The following LYN variants were observed in gnomAD, a reference collection of about 807,000 sequenced individuals.
LYN encodes the protein LYN proto-oncogene, Src family tyrosine kinase, also known as tyrosine-protein kinase Lyn.
LYN carries 12 observed loss-of-function variants against 65.0 expected under a neutral mutation model. That is an observed-to-expected ratio of 0.18 (90% CI 0.12 to 0.30). The LOEUF is 0.30. Among genes scored for constraint, LYN ranks in the 10% least tolerant of loss-of-function variants. The pLI is 1.00. For missense variants in LYN, 380 were observed against 623.2 expected, an observed-to-expected ratio of 0.61 and a Z score of 4.16; for synonymous variants, 222 against 221.2, an observed-to-expected ratio of 1.00 and a Z score of -0.03.
At chr8:55,994,450 A>AT (rs1284129640) in intron 10 of LYN, among the ~76,000 whole-genome samples, 3 of 152,178 alleles carry the variant, frequency 2.0e-5, no homozygotes, top group African/African-American at 4.8e-5. Flanking sequence ...TCTGAGAATC[A>AT]TTTTTTTAAA....
intron 10 of LYN, among the ~76,000 whole-genome samples, chr8:55,979,968 G>A (rs1425687695): frequency 2.6e-5 from 4 of 152,160 alleles, no homozygotes; most frequent in Non-Finnish European, 4.4e-5. Flanking sequence ...TGGAGATGAG[G>A]CCTGCAGCTG....
intron 1 of LYN, among the ~76,000 whole-genome samples, chr8:55,885,441 G>C (rs1005181007): frequency 2.0e-5 from 3 of 152,176 alleles, no homozygotes; most frequent in African/African-American, 7.2e-5. Flanking sequence ...ATTGACACCA[G>C]ACCATACTGG....
At chr8:56,001,244 G>GTGAA (rs374876510) in intron 12 of LYN, among the ~76,000 whole-genome samples, 1,702 of 152,170 alleles carry the variant, frequency 0.011, 26 homozygotes, top group African/African-American at 0.031. Context: ...GGATGGATGG[G>GTGAA]TGAATGAATG....
At position 55,997,970 on chromosome 8, in the gene LYN, G is replaced by A. The variant is rs569537212; in HGVS notation, c.1051-376G>A. Among the ~76,000 whole-genome samples, 50 of 152,314 alleles carry A rather than the reference G, an allele frequency of 3.3e-4. 1 individual carries two copies. The South Asian group carries it at 1.0e-2, about 30-fold the overall frequency. On this transcript the variant is annotated intron_variant, in intron 10 of 12. Coordinates refer to ENST00000519728, the MANE Select transcript of LYN (RefSeq NM_002350.4). ...ATGGTGGTGGGTGCCTGTAGTCCCA[G>A]CTACTCGGGAGGCTGAGGCAGGAGA...
chr8:55,911,287 T>TATATATATATATATA (rs1563506834), intron 1 of LYN, among the ~76,000 whole-genome samples: 1 of 25,658 alleles, frequency 3.9e-5, no homozygotes. Flanking sequence ...ATATATATAT[T>TATATATATATATATA]TTTTTTTTTT....
chr8:55,973,260 T>G (rs1807660746), intron 10 of LYN, among the ~76,000 whole-genome samples: 3 of 152,206 alleles, frequency 2.0e-5, no homozygotes, highest in Admixed American at 2.0e-4. Context: ...ATTTCATCAC[T>G]TCCTGTCTCA....
intron 8 of LYN, among the ~76,000 whole-genome samples, chr8:55,956,840 C>A (rs1186980435): frequency 1.3e-5 from 2 of 152,136 alleles, no homozygotes; most frequent in Non-Finnish European, 1.5e-5. Flanking sequence ...GCTCTTAGTC[C>A]ATCTGAGTAC....
At chr8:55,977,751 CAA>C (rs35305537) in intron 10 of LYN, among the ~76,000 whole-genome samples, 92 of 117,566 alleles carry the variant, frequency 7.8e-4, no homozygotes, top group South Asian at 1.4e-3. Flanking sequence ...CTATCTCTAC[CAA>C]AAAAAAAAAA....
rs907659437 is a variant in LYN, at chr8:55,907,007, T to C, written c.-6+26904T>C. ...GACGAGTATAAACAGGTATAGCCAC[T>C]TGCAGGAAACCCTTTGGTCATTTCT... On this transcript the variant is annotated intron_variant, in intron 1 of 12. Transcript: ENST00000519728. Among the ~76,000 whole-genome samples, 4 of 152,196 alleles carry C rather than the reference T, an allele frequency of 2.6e-5. 1 individual carries two copies. Among genetic ancestry groups the C allele is most frequent in the Admixed American group, 2.6e-4 (4 of 15,280 alleles).
intron 12 of LYN, among the ~76,000 whole-genome samples, chr8:56,006,472 T>C (rs1808676905): frequency 6.6e-6 from 1 of 152,174 alleles, no homozygotes; most frequent in Admixed American, 6.5e-5. Context: ...TCCCTGTCAC[T>C]AGCTATCTGT....
At chr8:55,926,248 A>G (rs1806107243) in intron 1 of LYN, among the ~76,000 whole-genome samples, 1 of 152,204 alleles carries the variant, frequency 6.6e-6, no homozygotes, top group African/African-American at 2.4e-5. Flanking sequence ...TATCCATTGA[A>G]TGGCATCATG....
chr8:55,943,609 TTCTC>T (rs947749388), intron 2 of LYN, among the ~76,000 whole-genome samples: 2 of 151,440 alleles, frequency 1.3e-5, no homozygotes, highest in Non-Finnish European at 2.9e-5. Flanking sequence ...TTTTTATAGT[TTCTC>T]TAGTCTGACA....
intron 8 of LYN, among the ~76,000 whole-genome samples, chr8:55,956,792 T>C (rs1807129315): frequency 6.6e-6 from 1 of 152,174 alleles, no homozygotes; most frequent in Admixed American, 6.5e-5. Context: ...ACTGAGAGTA[T>C]TGGCAGGAAA....
At chr8:55,943,385 G>C (rs1170253019) in intron 2 of LYN, among the ~76,000 whole-genome samples, 1 of 152,010 alleles carries the variant, frequency 6.6e-6, no homozygotes, top group East Asian at 1.9e-4. Flanking sequence ...AGACCAGCCT[G>C]GCCAACATGG....
intron 8 of LYN, chr8:55,955,236 G>C (rs1008503833): frequency 3.3e-5 from 5 of 152,180 alleles, no homozygotes; most frequent in Non-Finnish European, 7.3e-5. Context: ...GAGCAGAAGT[G>C]ACTTTTAAAC....
At chr8:55,913,860 G>A (rs971133340) in intron 1 of LYN, among the ~76,000 whole-genome samples, 9 of 152,198 alleles carry the variant, frequency 5.9e-5, no homozygotes, top group African/African-American at 2.2e-4. Flanking sequence ...GCACCAGAAG[G>A]TATGAAGGGC....
rs185387076 is a variant in LYN at position 55,901,668 on chromosome 8, T to C, written c.-6+21565T>C. ...TTTCAGTGCTGATTCAGAAAGAGCATTGGGCATACACTTCAGGAAACCCTA... is the reference window on the plus strand; with the variant it reads ...TTTCAGTGCTGATTCAGAAAGAGCACTGGGCATACACTTCAGGAAACCCTA... On this transcript the variant is annotated intron_variant, in intron 1 of 12. Transcript: ENST00000519728. Among the ~76,000 whole-genome samples, 5 of 152,248 alleles carry C rather than the reference T, an allele frequency of 3.3e-5. No homozygotes were observed. In the East Asian group the frequency reaches 5.8e-4, roughly 18 times the overall value.
In LYN at chr8:55,919,224, G is replaced by C. The variant is rs188534955; in HGVS notation, c.-5-22631G>C. Among the ~76,000 whole-genome samples, 393 of 152,220 alleles carry C rather than the reference G, an allele frequency of 2.6e-3. 1 individual carries two copies. The highest frequency in any genetic ancestry group is 9.1e-3 in the African/African-American group (376 of 41,530). ...TAAAGGAAATAGGAAAAGTGAACAT[G>C]TGTGAGAATCTAAACCTAACAGTTG... On this transcript the variant is annotated intron_variant, in intron 1 of 12. Transcript: ENST00000519728.
chr8:56,009,176 G>A (rs1037409204), intron 12 of LYN, among the ~76,000 whole-genome samples: 1 of 152,186 alleles, frequency 6.6e-6, no homozygotes, highest in African/African-American at 2.4e-5. Flanking sequence ...GAAGCTGAAA[G>A]CATGCTACCC....
Sources: gnomAD v4.1 joint callset for allele counts (sites outside exome capture counted in the v4.1 genomes callset) on GRCh38, gnomAD v4.1.1 for gene constraint, MANE v1.5 for transcripts, NCBI Gene and HGNC (gene_info 2026-07-23, HGNC 2026-07-21) for gene names.